C18orf63: variants seen among roughly 807,000 people sequenced by gnomAD.
C18orf63 encodes uncharacterized protein C18orf63.
Under a neutral mutation model 75.3 loss-of-function variants are expected in C18orf63, and 50 were observed. The ratio of observed to expected loss-of-function variants is 0.66; its 90% CI spans 0.53 to 0.84. The LOEUF is 0.84. C18orf63 is among the 40% of genes least tolerant of loss of function. C18orf63 has a pLI of 0.00. For synonymous variants in C18orf63, 232 were observed against 267.6 expected, an observed-to-expected ratio of 0.87 and a Z score of 1.30; for missense variants, 732 against 800.2, an observed-to-expected ratio of 0.91 and a Z score of 1.03.
At chr18:74,327,103 C>T (rs754172547) in intron 4 of C18orf63, among the ~76,000 whole-genome samples, 9 of 151,790 alleles carry the variant, frequency 5.9e-5, no homozygotes, top group East Asian at 5.8e-4. Context: ...GACAAGATAA[C>T]GAAGGAATTC....
intron 11 of C18orf63, among the ~76,000 whole-genome samples, chr18:74,351,448 A>T (rs1281566032): frequency 1.3e-5 from 2 of 152,090 alleles, no homozygotes; most frequent in Admixed American, 1.3e-4. Flanking sequence ...CTTTCTGGGG[A>T]CATTTGTTCT....
At position 74,353,975 on chromosome 18, in the gene C18orf63, G is replaced by C. The variant is rs771876893; in HGVS notation, c.1708G>C (p.Glu570Gln). Residue 570 changes from glutamate to glutamine, a missense_variant, in exon 12 of 14, where the codon GAA (glutamate) becomes CAA (glutamine). Physicochemically the swap from Glu to Gln is conservative, Grantham distance 29 (BLOSUM62 2). This residue lies in a region of C18orf63 where 495 missense variants were observed against 508.7 expected (regional missense o/e 0.97). Transcript: ENST00000579455. ...SAVDFQMKGKENLTGKGITQI... is the reference protein window; with the variant it reads ...SAVDFQMKGKQNLTGKGITQI... ...TGTTGACTTCCAAATGAAAGGAAAA[G>C]AAAATTTAACAGGCAAAGGTATAAC... is the stretch of plus-strand genomic sequence containing the variant. 84 of 1,536,126 alleles carry C rather than the reference G, an allele frequency of 5.5e-5. No homozygotes were observed. Among genetic ancestry groups the C allele is most frequent in the Non-Finnish European group, 2.3e-5 (26 of 1,146,920 alleles).
chr18:74,328,956 G>T, intron 5 of C18orf63, 39 bp from the exon 6 acceptor site: 1 of 1,084,402 alleles, frequency 9.2e-7, no homozygotes, highest in South Asian at 1.4e-5. Flanking sequence ...GATTATTTAT[G>T]AGTTGTAATA....
In C18orf63 at chr18:74,341,570, G is replaced by A. The variant is rs115177813; in HGVS notation, c.612-462G>A. ...TGGTGCACGCTTGTAATCCCAGCTG[G>A]CGGCTAAGGCAGGAGAATCGCTTGA... On this transcript the variant is annotated intron_variant, in intron 8 of 13. Coordinates refer to ENST00000579455, the MANE Select transcript of C18orf63 (RefSeq NM_001174123.2). 7.4e-3 allele frequency among the ~76,000 whole-genome samples: 1,121 copies of A among 152,082 alleles called. 14 individuals are homozygous for A. Among genetic ancestry groups the A allele is most frequent in the African/African-American group, 0.025 (1,057 of 41,496 alleles).
At chr18:74,341,884 G>A in intron 8 of C18orf63, 148 bp from the exon 9 acceptor site, 2 of 498,204 alleles carry the variant, frequency 4.0e-6, no homozygotes, top group Middle Eastern at 5.1e-4. Flanking sequence ...TTAGTACAAC[G>A]TGTTTGAAAC....
chr18:74,345,680 C>T (rs1282436529), intron 11 of C18orf63, among the ~76,000 whole-genome samples: 2 of 152,104 alleles, frequency 1.3e-5, no homozygotes, highest in Admixed American at 1.3e-4. Context: ...TACTTTGCAG[C>T]ACTACCTTTG....
chr18:74,350,931 G>A (rs1984656286), intron 11 of C18orf63, among the ~76,000 whole-genome samples: 1 of 152,178 alleles, frequency 6.6e-6, no homozygotes, highest in South Asian at 2.1e-4. Flanking sequence ...GTAGAGCTGT[G>A]CTAAACAGGA....
rs1984102311 is a variant in C18orf63 at position 74,320,493 on chromosome 18, A to C, written c.135-20A>C. ...ACCAAACCATACCAGTCCACTTTGT[A>C]ATATATTTCATCTCCACAGGCAATT... On this transcript the variant is annotated intron_variant, in intron 2 of 13. Coordinates refer to ENST00000579455, the MANE Select transcript of C18orf63 (RefSeq NM_001174123.2). The C allele has an allele frequency of 6.7e-7, 1 of 1,497,942 alleles. No homozygotes were observed. The highest frequency in any genetic ancestry group is 2.5e-5 in the East Asian group (1 of 40,504). 92.8% of individuals were successfully genotyped at this position (1,497,942 alleles called of 1,614,324 possible).
chr18:74,320,466 G>T, intron 2 of C18orf63, 47 bp from the exon 3 acceptor site: 1 of 1,348,320 alleles, frequency 7.4e-7, no homozygotes, highest in South Asian at 1.3e-5. Context: ...TGGGGACACA[G>T]AACCAAACCA....
At chr18:74,355,297 G>A (rs1160044345) in intron 13 of C18orf63, among the ~76,000 whole-genome samples, 1 of 147,226 alleles carries the variant, frequency 6.8e-6, no homozygotes, top group Non-Finnish European at 1.5e-5. Context: ...TTATGATGTT[G>A]TATTTTATGT....
rs1391412725 is a variant in C18orf63 at position 74,327,728 on chromosome 18, T to C, written c.271-219T>C. ...AGGGTCAGCAGGTAGTATTTGGCCA[T>C]GATAGCATGACAATAGTAGTGGTTT... On this transcript the variant is annotated intron_variant, in intron 4 of 13. Transcript: ENST00000579455. Among the ~76,000 whole-genome samples the C allele has an allele frequency of 3.3e-5, 5 of 152,344 alleles. No individual in the cohort carries two copies. The East Asian group carries it at 9.6e-4, about 29-fold the overall frequency.
intron 10 of C18orf63, 123 bp from the exon 11 acceptor site, chr18:74,343,396 A>G (rs1599007551): frequency 1.8e-6 from 1 of 561,748 alleles, no homozygotes; most frequent in East Asian, 3.0e-5. Context: ...AAGCAATATA[A>G]AAGAGTTAAG....
chr18:74,352,550 T>C (rs1321010764), intron 11 of C18orf63, among the ~76,000 whole-genome samples: 3 of 152,106 alleles, frequency 2.0e-5, no homozygotes, highest in African/African-American at 7.2e-5. Flanking sequence ...TGGTAGGCAG[T>C]GAAAAAGTAA....
At chr18:74,349,099 A>G (rs1335890832) in intron 11 of C18orf63, among the ~76,000 whole-genome samples, 2 of 152,224 alleles carry the variant, frequency 1.3e-5, no homozygotes, top group Non-Finnish European at 1.5e-5. Context: ...AGTAGTAGAT[A>G]TGTTGTTTAA....
At chr18:74,341,054 G>A (rs1407464411) in intron 8 of C18orf63, among the ~76,000 whole-genome samples, 14 of 149,960 alleles carry the variant, frequency 9.3e-5, no homozygotes, top group African/African-American at 2.7e-4. Flanking sequence ...CACGAGGTCC[G>A]GAGATCGAGA....
chr18:74,320,489 T>G (rs1422090630), intron 2 of C18orf63, 24 bp from the exon 3 acceptor site: 2 of 1,486,970 alleles, frequency 1.3e-6, no homozygotes, highest in East Asian at 2.5e-5. Flanking sequence ...CCAGTCCACT[T>G]TGTAATATAT....
intron 6 of C18orf63, among the ~76,000 whole-genome samples, chr18:74,330,650 C>G (rs1463723623): frequency 6.6e-6 from 1 of 152,042 alleles, no homozygotes; most frequent in Non-Finnish European, 1.5e-5. Context: ...ACCCCCCACA[C>G]ACATTCATGC....
chr18:74,351,690 G>A (rs1984669850), intron 11 of C18orf63, among the ~76,000 whole-genome samples: 1 of 152,172 alleles, frequency 6.6e-6, no homozygotes, highest in Admixed American at 6.5e-5. Flanking sequence ...CTAAATGTTG[G>A]TGTGATTTGT....
At chr18:74,331,141 G>A (rs534993787) in intron 7 of C18orf63, among the ~76,000 whole-genome samples, 199 bp downstream of exon 7, 19 of 152,052 alleles carry the variant, frequency 1.2e-4, no homozygotes, top group African/African-American at 4.3e-4. Flanking sequence ...ATATTGTTCT[G>A]TCCATTTAAC....
Sources: allele counts gnomAD v4.1 joint callset (sites outside exome capture counted in the v4.1 genomes callset), GRCh38; gene constraint gnomAD v4.1.1; regional missense constraint gnomAD v4.1.1; transcripts MANE v1.5; gene names NCBI Gene and HGNC (gene_info 2026-07-23, HGNC 2026-07-21).